CPVL: variants seen among roughly 807,000 people sequenced by gnomAD.
CPVL encodes carboxypeptidase vitellogenic like, also known as probable serine carboxypeptidase CPVL.
CPVL carries 51 observed loss-of-function variants against 63.7 expected under a neutral mutation model. That is an observed-to-expected ratio of 0.80 (90% confidence interval 0.64 to 1.01). The LOEUF (loss-of-function observed/expected upper bound fraction) is 1.01, where lower values mean the gene tolerates loss of function less well. CPVL is among the 50% of genes least tolerant of loss of function. CPVL has a pLI of 0.00. For missense variants in CPVL, 530 were observed against 573.1 expected (o/e 0.92, Z 0.77); for synonymous variants, 195 against 206.0 (o/e 0.95, Z 0.46).
At chr7:29,192,877 T>TG (rs900520555) in intron 1 of CPVL, 14 of 152,304 alleles carry the variant, frequency 9.2e-5, no homozygotes, top group Non-Finnish European at 1.3e-4. Flanking sequence ...TCTAAAGATC[T>TG]GGGGGGCTAC....
intron 1 of CPVL, chr7:29,192,232 T>C (rs1245797131): frequency 6.6e-6 from 1 of 152,308 alleles, no homozygotes. Context: ...GAGTCTCAGC[T>C]TTTTTCTACT....
chr7:29,128,242 TA>T (rs1174620691), intron 1 of CPVL: 11 of 150,776 alleles, frequency 7.3e-5, no homozygotes, highest in African/African-American at 2.7e-4. Context: ...TGCTCCTAGG[TA>T]GGGATTTCCT....
At chr7:29,125,652 CA>C (rs1789937047) in intron 1 of CPVL, among the ~76,000 whole-genome samples, 1 of 152,138 alleles carries the variant, frequency 6.6e-6, no homozygotes, top group East Asian at 1.9e-4. Flanking sequence ...CTCGGCCTCC[CA>C]AAGTGCTGGG....
chr7:29,042,954 T>C (rs1789264731), intron 11 of CPVL, among the ~76,000 whole-genome samples: 1 of 152,208 alleles, frequency 6.6e-6, no homozygotes, highest in Non-Finnish European at 1.5e-5. Flanking sequence ...GCTGACCCAT[T>C]GGCATTCTCT....
intron 7 of CPVL, among the ~76,000 whole-genome samples, chr7:29,075,199 A>G (rs1343414655): frequency 6.6e-6 from 1 of 152,122 alleles, no homozygotes; most frequent in Non-Finnish European, 1.5e-5. Context: ...AGGCTGAAAC[A>G]TCTGCATTTT....
At chr7:29,018,012 A>G (rs966194375) in intron 12 of CPVL, among the ~76,000 whole-genome samples, 2 of 152,238 alleles carry the variant, frequency 1.3e-5, no homozygotes, top group Non-Finnish European at 2.9e-5. Flanking sequence ...AGCCGAGATA[A>G]TCCATCTTGT....
chr7:29,071,740 G>C, intron 9 of CPVL, 33 bp downstream of exon 9: 2 of 356,970 alleles, frequency 5.6e-6, no homozygotes, highest in African/African-American at 3.1e-5. Context: ...GGTTTTAATT[G>C]CTCAAGGGCA....
chr7:29,014,110 G>T (rs1231967813), intron 12 of CPVL, among the ~76,000 whole-genome samples: 2 of 152,146 alleles, frequency 1.3e-5, no homozygotes, highest in Non-Finnish European at 2.9e-5. Flanking sequence ...CTTCAGAGAA[G>T]CTCTCTGGCT....
At chr7:29,102,435 G>A (rs1372097846) in intron 3 of CPVL, among the ~76,000 whole-genome samples, 1 of 152,084 alleles carries the variant, frequency 6.6e-6, no homozygotes, top group Non-Finnish European at 1.5e-5. Flanking sequence ...TCTGGTGGTA[G>A]GGTAACATTT....
chr7:29,081,502 G>C (rs1489686178), intron 7 of CPVL: 1 of 152,158 alleles, frequency 6.6e-6, no homozygotes, highest in Admixed American at 6.5e-5. Flanking sequence ...CCTGGGGTGG[G>C]TCCTGACACA....
rs1797722171 is a variant in CPVL, at chr7:29,178,977, G to A, written c.-11+2313C>T. On this transcript the variant is annotated intron_variant, in intron 5 of 16. Coordinates refer to the CPVL transcript ENST00000409850. ...TCCAGGCAGGACCCCACCTACCAGA[G>A]CTAACCAGCATTTGCACCTCCTCAG... Among the ~76,000 whole-genome samples, 3 of 152,246 alleles carry A rather than the reference G, an allele frequency of 2.0e-5. No homozygotes were observed. The South Asian group carries it at 6.2e-4, about 32-fold the overall frequency.
chr7:29,141,974 G>T (rs1325909757), intron 1 of CPVL, among the ~76,000 whole-genome samples: 7 of 151,806 alleles, frequency 4.6e-5, no homozygotes, highest in African/African-American at 9.7e-5. Flanking sequence ...TAAATTACCT[G>T]GCTTCTGATC....
At chr7:29,060,550 C>A (rs1416333943) in intron 11 of CPVL, among the ~76,000 whole-genome samples, 4 of 152,302 alleles carry the variant, frequency 2.6e-5, no homozygotes, top group Middle Eastern at 3.4e-3. Context: ...ATTTACCACC[C>A]AAACATCTGA....
At position 29,151,689 on chromosome 7, in the gene CPVL, G is replaced by A. The variant is rs145152281; in HGVS notation, c.-11+29601C>T. ...AGGATAGTATCTGATTAAGGGCATG[G>A]CCTTAGGAGTAGACCGATGGCATCT... On this transcript the variant is annotated intron_variant, in intron 5 of 16. Coordinates refer to the CPVL transcript ENST00000409850. Among the ~76,000 whole-genome samples, 82 of 152,280 alleles carry A rather than the reference G, an allele frequency of 5.4e-4. 1 individual carries two copies. The highest frequency in any genetic ancestry group is 1.8e-3 in the African/African-American group (73 of 41,538).
intron 5 of CPVL, among the ~76,000 whole-genome samples, chr7:29,178,206 C>G (rs1485256779): frequency 6.6e-6 from 1 of 152,216 alleles, no homozygotes; most frequent in Non-Finnish European, 1.5e-5. Flanking sequence ...GCTCTTCTTA[C>G]TATCCTTTTC....
intron 1 of CPVL, among the ~76,000 whole-genome samples, chr7:29,128,885 A>G (rs529419497): frequency 6.6e-6 from 1 of 152,162 alleles, no homozygotes; most frequent in Non-Finnish European, 1.5e-5. Context: ...CAGTGCAAAC[A>G]AGGTGCTTAC....
chr7:29,123,201 A>AT, intron 1 of CPVL, among the ~76,000 whole-genome samples: 2 of 152,322 alleles, frequency 1.3e-5, no homozygotes, highest in East Asian at 3.9e-4. Flanking sequence ...CCAATTTGGC[A>AT]TAACATGAAA....
intron 7 of CPVL, among the ~76,000 whole-genome samples, chr7:29,082,150 A>ATT (rs544206120): frequency 0.017 from 2,517 of 151,666 alleles, 29 homozygotes; most frequent in African/African-American, 0.043. Context: ...ATCTAGAACA[A>ATT]TTTTTTTTTG....
At chr7:29,106,178 T>C (rs1419735843) in intron 3 of CPVL, among the ~76,000 whole-genome samples, 5 of 152,150 alleles carry the variant, frequency 3.3e-5, no homozygotes, top group Non-Finnish European at 7.3e-5. Flanking sequence ...GGGAGCCTGC[T>C]TGCCTGAAAG....
Sources: gnomAD v4.1 joint callset for allele counts (sites outside exome capture counted in the v4.1 genomes callset) on GRCh38, gnomAD v4.1.1 for gene constraint, MANE v1.5 for transcripts, NCBI Gene and HGNC (gene_info 2026-07-23, HGNC 2026-07-21) for gene names.